LARP1: variants seen among roughly 807,000 people sequenced by gnomAD.
LARP1 encodes the protein La ribonucleoprotein 1, translational regulator.
LARP1 carries 36 observed loss-of-function variants against 122.7 expected under a neutral mutation model. The observed-to-expected ratio is 0.29, with a 90% CI of 0.22 to 0.39. LARP1 has a LOEUF of 0.39. Among genes scored for constraint, LARP1 ranks in the 10% least tolerant of loss-of-function variants. The pLI, the probability that LARP1 is intolerant of heterozygous loss-of-function variation, is 1.00. For synonymous variants in LARP1, 539 were observed against 528.7 expected (o/e 1.02, Z -0.27); for missense variants, 1,040 against 1,403.6 (o/e 0.74, Z 4.14).
chr5:154,744,963 T>C (rs1753112401), intron 1 of LARP1, among the ~76,000 whole-genome samples: 1 of 144,606 alleles, frequency 6.9e-6, no homozygotes, highest in South Asian at 2.3e-4. Context: ...AGTCTCGCTC[T>C]GTCACCAGAC....
At position 154,797,221 on chromosome 5, in the gene LARP1, G is replaced by GTTTTTT. The variant is rs1158010359; in HGVS notation, c.1377+1926_1377+1931dup. On this transcript the variant is annotated intron_variant, in intron 8 of 18. Transcript: ENST00000518297. ...GGAGTTATTCTGTTTTGTTGTTGTT[G>GTTTTTT]TTTTTTTTTTTTTTTTTTTTTTTTT... Among the ~76,000 whole-genome samples, 182 of 29,756 alleles carry GTTTTTT rather than the reference G, an allele frequency of 6.1e-3. 7 individuals carry two copies. Among genetic ancestry groups the GTTTTTT allele is most frequent in the Middle Eastern group, 0.053 (2 of 38 alleles). 19.5% of individuals were successfully genotyped at this position (29,756 alleles called of 152,430 possible). A position where few individuals can be genotyped will look rare whatever the true frequency, so the allele number is the denominator to read the frequency against.
chr5:154,755,854 C>A lies in LARP1; in HGVS notation c.97C>A (p.Pro33Thr). Residue 33 changes from proline (P) to threonine (T), a missense_variant, in exon 1 of 19, where the codon CCC (proline) becomes ACC (threonine). By Grantham distance (38) the Pro-to-Thr change is conservative. Transcript: ENST00000518297. ...GGTGAGGAAGAAGCCGCCGCCGGCG[C>A]CCGAGGGCAAGGGCGAGCCCGGGCC... is the stretch of plus-strand genomic sequence containing the variant. ...GLVRKKPPPA[P>T]EGKGEPGPND... 9.9e-7 allele frequency: 1 copy of A among 1,006,398 alleles called. No homozygotes were observed. Among genetic ancestry groups the A allele is most frequent in the South Asian group, 3.7e-5 (1 of 27,364 alleles). The allele number at this position is 1,006,398 out of a possible 1,614,324, so 62.3% of individuals were successfully genotyped here.
At chr5:154,703,671 A>C (rs1355977445) in intron 1 of LARP1, among the ~76,000 whole-genome samples, 1 of 152,098 alleles carries the variant, frequency 6.6e-6, no homozygotes, top group Non-Finnish European at 1.5e-5. Context: ...CCCAGGCTGG[A>C]GTACAATGGC....
chr5:154,715,213 A>G (rs556046527), intron 1 of LARP1, among the ~76,000 whole-genome samples: 2 of 151,468 alleles, frequency 1.3e-5, no homozygotes, highest in Non-Finnish European at 2.9e-5. Flanking sequence ...GAAGATTTTA[A>G]GGCCCCTGAA....
intron 1 of LARP1, chr5:154,756,530 A>G (rs947563513): frequency 2.0e-6 from 2 of 984,504 alleles, no homozygotes; most frequent in African/African-American, 1.8e-5. Context: ...GGTGTAAGAG[A>G]CGGTTTCTGG....
intron 1 of LARP1, among the ~76,000 whole-genome samples, chr5:154,692,988 ATTATTTT>A (rs1016986012): frequency 6.5e-4 from 93 of 142,020 alleles, no homozygotes; most frequent in Non-Finnish European, 1.2e-3. Context: ...TTAATTTTTA[ATTATTTT>A]TTTTTTTTTT....
At position 154,816,729 on chromosome 5, in the gene LARP1, TGAGATAAAGC is replaced by T. The variant is rs1225023089; in HGVS notation, c.*2634_*2643del. On this transcript the variant is annotated 3_prime_UTR_variant, in exon 19 of 19. Transcript: ENST00000518297. ...CATCGTCCCATGGGGATCCAAGACCTGAGATAAAGCAACAGCCTGCCCAGATCCCTCTGTT... is the reference window on the plus strand; with the variant it reads ...CATCGTCCCATGGGGATCCAAGACCTAACAGCCTGCCCAGATCCCTCTGTT... The T allele has an allele frequency of 6.6e-6, 1 of 152,502 alleles. No homozygotes were observed. Among genetic ancestry groups the T allele is most frequent in the Non-Finnish European group, 1.5e-5 (1 of 68,126 alleles). The allele number at this position is 152,502 out of a possible 1,614,324, so 9.4% of individuals were successfully genotyped here. A position where few individuals can be genotyped will look rare whatever the true frequency, so the allele number is the denominator to read the frequency against.
chr5:154,709,286 T>A (rs1755099810), upstream of LARP1, among the ~76,000 whole-genome samples: 1 of 152,248 alleles, frequency 6.6e-6, no homozygotes, highest in South Asian at 2.1e-4. Context: ...TGGCCTTCAA[T>A]AATTGCTTCT....
Position 154,803,611 on chromosome 5 carries a change from A to G in LARP1, c.2305A>G (p.Thr769Ala), listed in dbSNP as rs373756763. The G allele has an allele frequency of 1.2e-6, 2 of 1,613,970 alleles. No homozygotes were observed. Among genetic ancestry groups the G allele is most frequent in the African/African-American group, 1.3e-5 (1 of 74,962 alleles). The change falls in exon 13 of 19, where the codon ACC (threonine) becomes GCC (alanine). Residue 769 changes from threonine to alanine, a missense_variant. Around this residue, in one of 8 missense-constraint regions of LARP1, gnomAD observed 362 missense variants for 533.1 expected, o/e 0.68. Coordinates refer to ENST00000518297, the MANE Select transcript of LARP1 (RefSeq NM_033551.3). This position sits in a 1 kb window ranked among gnomAD's most constrained non-coding sequence, Gnocchi z 4.4. ...EPSTIARSLP[T>A]TVPESPNYRN... Reference sequence around the variant, plus strand: ...CTCCACCATCGCCCGCTCTCTACCAACCACTGTCCCAGAGTCACCAAACTA... The same window carrying G: ...CTCCACCATCGCCCGCTCTCTACCAGCCACTGTCCCAGAGTCACCAAACTA...
Position 154,793,967 on chromosome 5 carries a change from C to T in LARP1, c.1036C>T (p.Arg346Cys), listed in dbSNP as rs771378985. 5.0e-6 allele frequency: 8 copies of T among 1,611,440 alleles called. No individual in the cohort carries two copies. Among genetic ancestry groups the T allele is most frequent in the South Asian group, 2.2e-5 (2 of 90,964 alleles). ...CCGTGGCCGTGGACGGGGGCGTGGTCGCGGCCGGGGACGCGGCCGGGGTGG... is the reference window on the plus strand; with the variant it reads ...CCGTGGCCGTGGACGGGGGCGTGGTTGCGGCCGGGGACGCGGCCGGGGTGG... ...SFRGRGRGRG[R>C]GRGRGRGGTR... The change falls in exon 6 of 19, where the codon CGC becomes TGC. Residue 346 changes from arginine (R) to cysteine (C), a missense_variant. Transcript: ENST00000518297.
rs1021526868 is a variant in LARP1 at position 154,793,900 on chromosome 5, G to C, written c.969G>C (p.Ser323=). Residue 323 remains serine, a synonymous_variant, in exon 6 of 19, where the codon TCG becomes TCC. Transcript: ENST00000518297. ...CCTGGCACGACCAGGATGAGACATC[G>C]AGTGTGAAGAGTGATGGGGCTGGTG... ...EPAWHDQDET[S]SVKSDGAGGA... 2 of 1,614,022 alleles carry C rather than the reference G, an allele frequency of 1.2e-6. No homozygotes were observed. The highest frequency in any genetic ancestry group is 1.7e-6 in the Non-Finnish European group (2 of 1,180,014).
chr5:154,691,630 C>A (rs1317051453), intron 1 of LARP1, among the ~76,000 whole-genome samples: 1 of 152,196 alleles, frequency 6.6e-6, no homozygotes, highest in East Asian at 1.9e-4. Flanking sequence ...AAGGTCTGCA[C>A]AAGGTCAGGG....
At chr5:154,743,074 A>G (rs759892401) in intron 1 of LARP1, among the ~76,000 whole-genome samples, 29 of 152,188 alleles carry the variant, frequency 1.9e-4, no homozygotes, top group Non-Finnish European at 3.2e-4. Context: ...ACCTACAGCC[A>G]AACACTCATT....
chr5:154,760,207 G>A (rs745473818), intron 1 of LARP1, among the ~76,000 whole-genome samples: 3 of 152,222 alleles, frequency 2.0e-5, no homozygotes, highest in Non-Finnish European at 2.9e-5. Flanking sequence ...CAAAGTTTTG[G>A]GTTGGGATTA....
intron 18 of LARP1, 31 bp downstream of exon 18, chr5:154,811,671 G>C (rs756225790): frequency 4.3e-6 from 7 of 1,612,774 alleles, no homozygotes; most frequent in Non-Finnish European, 5.1e-6. Context: ...AACTCTGCTT[G>C]TCCTGGAAAG....
At chr5:154,801,879 G>A (rs980087744) in intron 10 of LARP1, 128 bp from the exon 11 acceptor site, 1 of 809,402 alleles carries the variant, frequency 1.2e-6, no homozygotes, top group Non-Finnish European at 1.9e-6. Context: ...TGACCTGCTG[G>A]TGTTACCAGG....
intron 3 of LARP1, among the ~76,000 whole-genome samples, chr5:154,791,113 G>A (rs1419090559): frequency 1.3e-5 from 2 of 150,210 alleles, no homozygotes; most frequent in Non-Finnish European, 1.5e-5. Flanking sequence ...CACCGTGCCC[G>A]GCCTCTCAGT....
chr5:154,803,235 G>GCT lies in LARP1; in HGVS notation c.2110-54_2110-53dup. 2 of 1,612,980 alleles carry GCT rather than the reference G, an allele frequency of 1.2e-6. No homozygotes were observed. The highest frequency in any genetic ancestry group is 1.7e-6 in the Non-Finnish European group (2 of 1,179,136). On this transcript the variant is annotated intron_variant, in intron 11 of 18. Transcript: ENST00000518297. This position sits in a 1 kb window ranked among gnomAD's most constrained non-coding sequence, Gnocchi z 4.4. The stretch of plus-strand genomic sequence containing the variant: ...CTGCCAGTCTTGATTCCTTAAACAG[G>GCT]CTAGAGCAGCCTGCTTACTTACATC...
At chr5:154,748,122 T>C (rs996506456) in intron 1 of LARP1, among the ~76,000 whole-genome samples, 10 of 152,206 alleles carry the variant, frequency 6.6e-5, no homozygotes, top group African/African-American at 2.4e-4. Context: ...AGTGCTGTGA[T>C]TATAGTTGTG....
Sources: gnomAD v4.1 joint callset for allele counts (sites outside exome capture counted in the v4.1 genomes callset) on GRCh38, gnomAD v4.1.1 for gene constraint, gnomAD v4.1.1 regional missense constraint, Gnocchi (gnomAD v3.1) non-coding constraint, MANE v1.5 for transcripts, NCBI Gene and HGNC (gene_info 2026-07-23, HGNC 2026-07-21) for gene names.